PANX2: variants seen among roughly 807,000 people sequenced by gnomAD.
PANX2 encodes the protein pannexin 2.
Under a neutral mutation model 38.7 loss-of-function variants are expected in PANX2, and 30 were observed. That is an observed-to-expected ratio of 0.78 (90% CI 0.58 to 1.05). The LOEUF is 1.05. Ranked by LOEUF, PANX2 falls within the 50% of genes least tolerant of loss-of-function variation. PANX2 has a pLI of 0.00. For synonymous variants in PANX2, 539 were observed against 472.1 expected (o/e 1.14, Z -1.84); for missense variants, 880 against 979.3 (o/e 0.90, Z 1.35).
rs116294680 is a variant in PANX2, at chr22:50,177,786, C to T, written c.1074C>T (p.Ile358=). 3.7e-6 allele frequency: 6 copies of T among 1,604,948 alleles called. No homozygotes were observed. The highest frequency in any genetic ancestry group is 2.5e-6 in the Non-Finnish European group (3 of 1,179,824). The change falls in exon 2 of 3, where the codon ATC becomes ATT. Residue 358 remains isoleucine (I), a synonymous_variant. Coordinates refer to ENST00000395842, the MANE Select transcript of PANX2 (RefSeq NM_052839.4). ...AMFCNENRDH[I]KSLNRLDFIT... ...TCTGCAACGAGAACCGCGACCACAT[C>T]AAGTCGCTCAACCGGCTGGACTTCA...
At position 50,177,524 on chromosome 22, in the gene PANX2, C is replaced by T. The variant is rs1488640466; in HGVS notation, c.812C>T (p.Ala271Val). 1 of 1,609,312 alleles carries T rather than the reference C, an allele frequency of 6.2e-7. No homozygotes were observed. Among genetic ancestry groups the T allele is most frequent in the Non-Finnish European group, 8.5e-7 (1 of 1,178,300 alleles). The change falls in exon 2 of 3, where the codon GCG becomes GTG. Residue 271 changes from alanine to valine, a missense_variant. This residue lies in a region of PANX2 where 114 missense variants were observed against 108.8 expected (regional missense o/e 1.05). Transcript: ENST00000395842. ...LGASPDGAAG[A>V]GPAVRVSCKL... ...GCGTCCCCGGACGGGGCGGCAGGTGCGGGGCCCGCGGTGCGCGTGAGCTGC... is the reference window on the plus strand; with the variant it reads ...GCGTCCCCGGACGGGGCGGCAGGTGTGGGGCCCGCGGTGCGCGTGAGCTGC...
In PANX2 at chr22:50,177,606, G is replaced by C. The variant is rs1489834501; in HGVS notation, c.894G>C (p.Leu298=). Residue 298 remains leucine (L), a synonymous_variant, in exon 2 of 3, where the codon CTG becomes CTC. Coordinates refer to ENST00000395842, the MANE Select transcript of PANX2 (RefSeq NM_052839.4). The part of the protein sequence containing the change: ...RIIAGVDIVL[L]CVMNLIILVN... Reference sequence around the variant, plus strand: ...TCGCGGGCGTGGACATCGTGCTGCTGTGCGTCATGAACCTCATCATCCTCG... The same window carrying C: ...TCGCGGGCGTGGACATCGTGCTGCTCTGCGTCATGAACCTCATCATCCTCG... 6.2e-7 allele frequency: 1 copy of C among 1,612,816 alleles called. No individual in the cohort carries two copies. Among genetic ancestry groups the C allele is most frequent in the African/African-American group, 1.3e-5 (1 of 74,944 alleles).
In PANX2 at chr22:50,177,306, C is replaced by T. The variant is rs545589393; in HGVS notation, c.594C>T (p.Asn198=). The T allele has an allele frequency of 6.2e-7, 1 of 1,611,722 alleles. No homozygotes were observed. The highest frequency in any genetic ancestry group is 2.2e-5 in the East Asian group (1 of 44,856). The stretch of plus-strand genomic sequence containing the variant: ...GCGAGAAGCGCGAGATCATCGAGAA[C>T]GCGGAGAAGGAGAAGAGCCCGGAGC... The part of the protein sequence containing the change: ...TEREKREIIE[N]AEKEKSPEQN... The change falls in exon 2 of 3, where the codon AAC becomes AAT. Residue 198 remains asparagine, a synonymous_variant. Coordinates refer to ENST00000395842, the MANE Select transcript of PANX2 (RefSeq NM_052839.4).
At chr22:50,172,528 T>A (rs2147057937) in intron 1 of PANX2, among the ~76,000 whole-genome samples, 1 of 151,660 alleles carries the variant, frequency 6.6e-6, no homozygotes, top group Admixed American at 6.6e-5. Context: ...GCTCAGGTGT[T>A]CTTCCTGCCT....
Position 50,177,473 on chromosome 22 carries a change from A to G in PANX2, c.761A>G (p.Gln254Arg). Residue 254 changes from glutamine (Q) to arginine (R), a missense_variant, in exon 2 of 3, where the codon CAG (glutamine) becomes CGG (arginine). Physicochemically the swap from Gln to Arg is conservative, Grantham distance 43. Transcript: ENST00000395842. ...YLCTYYATQK[Q>R]NEFTCALGAS... ...TGCACCTACTACGCCACGCAGAAGC[A>G]GAACGAGTTCACCTGCGCGCTGGGC... 6.2e-7 allele frequency: 1 copy of G among 1,609,274 alleles called. No homozygotes were observed. The highest frequency in any genetic ancestry group is 8.5e-7 in the Non-Finnish European group (1 of 1,178,380).
Position 50,179,385 on chromosome 22 carries a change from G to T in PANX2, c.*108G>T. 2.1e-6 allele frequency: 2 copies of T among 971,446 alleles called. No homozygotes were observed. Among genetic ancestry groups the T allele is most frequent in the Admixed American group, 2.2e-5 (1 of 44,720 alleles). 60.2% of individuals were successfully genotyped at this position (971,446 alleles called of 1,614,324 possible). On this transcript the variant is annotated 3_prime_UTR_variant, in exon 3 of 3. Transcript: ENST00000395842. Reference sequence around the variant, plus strand: ...CGTGGACGTGGCCTGTGCTTCGCCCGCACTGCGCGCATCCCCAACCTCTGT... The same window carrying T: ...CGTGGACGTGGCCTGTGCTTCGCCCTCACTGCGCGCATCCCCAACCTCTGT...
Position 50,178,061 on chromosome 22 carries a change from T to C in PANX2, c.1349T>C (p.Met450Thr). Residue 450 changes from methionine to threonine, a missense_variant, in exon 2 of 3, where the codon ATG becomes ACG. Met to Thr is a moderately conservative substitution (Grantham distance 81). This residue lies in a region of PANX2 where 445 missense variants were observed against 404.3 expected (regional missense o/e 1.10). Coordinates refer to ENST00000395842, the MANE Select transcript of PANX2 (RefSeq NM_052839.4). ...CCCTTCAAGGAGCCGCTGGCCATCA[T>C]GCGCGTGGAGAACAGCAAGGCGGAG... Reference protein sequence around the residue: ...PQPFKEPLAIMRVENSKAEKP... With the variant: ...PQPFKEPLAITRVENSKAEKP... The C allele has an allele frequency of 6.4e-7, 1 of 1,554,738 alleles. No individual in the cohort carries two copies. Among genetic ancestry groups the C allele is most frequent in the Non-Finnish European group, 8.6e-7 (1 of 1,157,748 alleles).
chr22:50,179,007 G>A lies in PANX2; in HGVS notation c.1764G>A (p.Pro588=), dbSNP rs1004430802. Residue 588 remains proline (P), a synonymous_variant, in exon 3 of 3, where the codon CCG becomes CCA. Coordinates refer to ENST00000395842, the MANE Select transcript of PANX2 (RefSeq NM_052839.4). ...PARAGLPSGG[P]FHVRSPPAAP... is the part of the protein sequence containing the mutation. ...GGGCAGGGCTTCCCTCGGGGGGCCC[G>A]TTCCACGTCCGCTCACCTCCCGCCG... is the stretch of plus-strand genomic sequence containing the variant. The A allele has an allele frequency of 5.6e-6, 9 of 1,609,984 alleles. No homozygotes were observed. Among genetic ancestry groups the A allele is most frequent in the African/African-American group, 2.7e-5 (2 of 74,834 alleles).
intron 1 of PANX2, among the ~76,000 whole-genome samples, chr22:50,174,072 G>C (rs1030155617): frequency 6.6e-6 from 1 of 152,236 alleles, no homozygotes; most frequent in Non-Finnish European, 1.5e-5. Context: ...GGAAGGGCCA[G>C]GGCCTGGCCT....
chr22:50,178,117 A>G lies in PANX2; in HGVS notation c.1405A>G (p.Thr469Ala). 1 of 1,541,786 alleles carries G rather than the reference A, an allele frequency of 6.5e-7. No homozygotes were observed. The highest frequency in any genetic ancestry group is 8.7e-7 in the Non-Finnish European group (1 of 1,152,866). ...KPKPARRKTA[T>A]DTLIAPLLDR... is the part of the protein sequence containing the mutation. ...GAAGCCCGCGCGCAGGAAGACGGCC[A>G]CGGACACGCTGATCGCGCCGCTGCT... Residue 469 changes from threonine (T) to alanine (A), a missense_variant, in exon 2 of 3, where the codon ACG (threonine) becomes GCG (alanine). Physicochemically the swap from Thr to Ala is moderately conservative, Grantham distance 58. Transcript: ENST00000395842.
In PANX2 at chr22:50,177,795, C is replaced by G. The variant is rs150592820; in HGVS notation, c.1083C>G (p.Leu361=). 5.4e-3 allele frequency: 8,643 copies of G among 1,603,914 alleles called. 28 individuals are homozygous for G. Among genetic ancestry groups the G allele is most frequent in the Non-Finnish European group, 6.7e-3 (7,864 of 1,179,758 alleles). The change falls in exon 2 of 3, where the codon CTC becomes CTG. Residue 361 remains leucine (L), a synonymous_variant. Coordinates refer to ENST00000395842, the MANE Select transcript of PANX2 (RefSeq NM_052839.4). ...CNENRDHIKS[L]NRLDFITNES... ...AGAACCGCGACCACATCAAGTCGCTCAACCGGCTGGACTTCATCACCAACG... is the reference window on the plus strand; with the variant it reads ...AGAACCGCGACCACATCAAGTCGCTGAACCGGCTGGACTTCATCACCAACG...
chr22:50,175,356 T>C (rs1277238703), intron 1 of PANX2: 3 of 702,526 alleles, frequency 4.3e-6, no homozygotes, highest in East Asian at 8.2e-5. Flanking sequence ...TGGCCACACA[T>C]GCCCAGCAAG....
In PANX2 at chr22:50,177,452, C is replaced by T; in HGVS notation, c.740C>T (p.Thr247Ile). ...GCCGTGCCCATCTCCTACCTGTGCA[C>T]CTACTACGCCACGCAGAAGCAGAAC... is the stretch of plus-strand genomic sequence containing the variant. ...LSAVPISYLC[T>I]YYATQKQNEF... Residue 247 changes from threonine to isoleucine, a missense_variant, in exon 2 of 3, where the codon ACC (threonine) becomes ATC (isoleucine). Physicochemically the swap from Thr to Ile is moderately conservative, Grantham distance 89. Around this residue, in one of 4 missense-constraint regions of PANX2, gnomAD observed 114 missense variants for 108.8 expected, o/e 1.05. Transcript: ENST00000395842. 2 of 1,608,740 alleles carry T rather than the reference C, an allele frequency of 1.2e-6. No individual in the cohort carries two copies. Among genetic ancestry groups the T allele is most frequent in the Non-Finnish European group, 1.7e-6 (2 of 1,178,180 alleles).
chr22:50,170,867 T>C lies in PANX2; in HGVS notation c.137T>C (p.Leu46Pro). 1 of 1,520,072 alleles carries C rather than the reference T, an allele frequency of 6.6e-7. No homozygotes were observed. The highest frequency in any genetic ancestry group is 8.8e-7 in the Non-Finnish European group (1 of 1,132,730). The allele number at this position is 1,520,072 out of a possible 1,614,324, so 94.2% of individuals were successfully genotyped here. The stretch of plus-strand genomic sequence containing the variant: ...GCCGCGCTGCTTCTGCAGCTGAAGC[T>C]GGAGCTGCCGTTCGACCGGGTGGTC... Reference protein sequence around the residue: ...ALAALLLQLKLELPFDRVVTI... With the variant: ...ALAALLLQLKPELPFDRVVTI... The change falls in exon 1 of 3, where the codon CTG becomes CCG. Residue 46 changes from leucine (L) to proline (P), a missense_variant. By Grantham distance (98) the Leu-to-Pro change is moderately conservative. Coordinates refer to ENST00000395842, the MANE Select transcript of PANX2 (RefSeq NM_052839.4).
Position 50,178,193 on chromosome 22 carries a change from GCCCC to G in PANX2, c.1482_1485del (p.Ala496LeufsTer59). The G allele has an allele frequency of 1.0e-5, 15 of 1,465,082 alleles. No homozygotes were observed. Among genetic ancestry groups the G allele is most frequent in the African/African-American group, 1.5e-5 (1 of 67,982 alleles). 90.8% of individuals were successfully genotyped at this position (1,465,082 alleles called of 1,614,324 possible). A position where few individuals can be genotyped will look rare whatever the true frequency, so the allele number is the denominator to read the frequency against. ...GGCGGAGGGGGCGACCCGGGCCCCG[GCCCC>G]GCCCCTGCCCCCGCCCCGCCGCCCG... On this transcript the variant is annotated frameshift_variant, in exon 2 of 3. Coordinates refer to ENST00000395842, the MANE Select transcript of PANX2 (RefSeq NM_052839.4). LOFTEE classifies it high-confidence loss of function.
Position 50,170,800 on chromosome 22 carries a change from C to G in PANX2, c.70C>G (p.Leu24Val), listed in dbSNP as rs1281747306. ...GCTGGCGGGAGAGAAGCTGCGGGAG[C>G]TGATCCTGCCGGGCGCGCAGGACGA... Reference protein sequence around the residue: ...ALLAGEKLRELILPGAQDDKA... With the variant: ...ALLAGEKLREVILPGAQDDKA... Residue 24 changes from leucine (L) to valine (V), a missense_variant, in exon 1 of 3, where the codon CTG becomes GTG. Physicochemically the swap from Leu to Val is conservative, Grantham distance 32. Around this residue, in one of 4 missense-constraint regions of PANX2, gnomAD observed 243 missense variants for 333.1 expected, o/e 0.73. Transcript: ENST00000395842. 12 of 1,452,640 alleles carry G rather than the reference C, an allele frequency of 8.3e-6. No homozygotes were observed. Among genetic ancestry groups the G allele is most frequent in the Non-Finnish European group, 1.0e-5 (11 of 1,095,058 alleles). 90.0% of individuals were successfully genotyped at this position (1,452,640 alleles called of 1,614,324 possible). A position where few individuals can be genotyped will look rare whatever the true frequency, so the allele number is the denominator to read the frequency against.
rs2063671004 is a variant in PANX2, at chr22:50,177,770, A to T, written c.1058A>T (p.Glu353Val). Residue 353 changes from glutamate (E) to valine (V), a missense_variant, in exon 2 of 3, where the codon GAG (glutamate) becomes GTG (valine). By Grantham distance (121) the Glu-to-Val change is moderately radical. Coordinates refer to ENST00000395842, the MANE Select transcript of PANX2 (RefSeq NM_052839.4). The stretch of plus-strand genomic sequence containing the variant: ...AACATCCTGGCCATGTTCTGCAACG[A>T]GAACCGCGACCACATCAAGTCGCTC... Reference protein sequence around the residue: ...DINILAMFCNENRDHIKSLNR... With the variant: ...DINILAMFCNVNRDHIKSLNR... The T allele has an allele frequency of 6.2e-7, 1 of 1,607,090 alleles. No individual in the cohort carries two copies. Among genetic ancestry groups the T allele is most frequent in the South Asian group, 1.1e-5 (1 of 91,090 alleles).
In PANX2 at chr22:50,177,513, G is replaced by A. The variant is rs976840552; in HGVS notation, c.801G>A (p.Gly267=). The change falls in exon 2 of 3, where the codon GGG becomes GGA. Residue 267 remains glycine (G), a synonymous_variant. Coordinates refer to ENST00000395842, the MANE Select transcript of PANX2 (RefSeq NM_052839.4). ...FTCALGASPD[G]AAGAGPAVRV... ...GCGCGCTGGGCGCGTCCCCGGACGG[G>A]GCGGCAGGTGCGGGGCCCGCGGTGC... 1.9e-6 allele frequency: 3 copies of A among 1,609,638 alleles called. No homozygotes were observed. The highest frequency in any genetic ancestry group is 1.3e-5 in the African/African-American group (1 of 74,990).
At position 50,178,029 on chromosome 22, in the gene PANX2, T is replaced by G. The variant is rs1329763797; in HGVS notation, c.1317T>G (p.Leu439=). 4 of 1,548,884 alleles carry G rather than the reference T, an allele frequency of 2.6e-6. No homozygotes were observed. In the African/African-American group the frequency reaches 4.1e-5, roughly 16 times the overall value. Residue 439 remains leucine (L), a synonymous_variant, in exon 2 of 3, where the codon CTT becomes CTG. Coordinates refer to ENST00000395842, the MANE Select transcript of PANX2 (RefSeq NM_052839.4). ...AGTGGATCCCCACCAGCAACCCGCT[T>G]CCGCAGCCCTTCAAGGAGCCGCTGG... is the stretch of plus-strand genomic sequence containing the variant. The part of the protein sequence containing the change: ...KMKWIPTSNP[L]PQPFKEPLAI...
Sources: allele counts gnomAD v4.1 joint callset (sites outside exome capture counted in the v4.1 genomes callset), GRCh38; gene constraint gnomAD v4.1.1; regional missense constraint gnomAD v4.1.1; transcripts MANE v1.5; gene names NCBI Gene and HGNC (gene_info 2026-07-23, HGNC 2026-07-21).